The following CDKAL1 variants were observed in gnomAD, a reference collection of about 807,000 sequenced individuals.
The protein encoded by CDKAL1 is threonylcarbamoyladenosine tRNA methylthiotransferase.
A neutral mutation model predicts 68.2 loss-of-function variants in CDKAL1; 32 were observed. The observed-to-expected ratio is 0.47, with a 90% CI of 0.35 to 0.63. The LOEUF (loss-of-function observed/expected upper bound fraction) is 0.63, where lower values mean the gene tolerates loss of function less well. Among genes scored for constraint, CDKAL1 ranks in the 30% least tolerant of loss-of-function variants. The pLI is 0.00. For synonymous variants in CDKAL1, 234 were observed against 244.3 expected, an observed-to-expected ratio of 0.96 and a Z score of 0.39; for missense variants, 606 against 696.7, an observed-to-expected ratio of 0.87 and a Z score of 1.47.
intron 12 of CDKAL1, among the ~76,000 whole-genome samples, chr6:21,068,124 G>A (rs1438709344): frequency 9.2e-5 from 14 of 152,070 alleles, no homozygotes; most frequent in Admixed American, 9.2e-4. Flanking sequence ...CAGCTCCTTG[G>A]CAGGTCATGG....
chr6:20,595,501 T>C (rs1348573651), intron 4 of CDKAL1, among the ~76,000 whole-genome samples: 1 of 152,130 alleles, frequency 6.6e-6, no homozygotes, highest in Non-Finnish European at 1.5e-5. Flanking sequence ...GAAATTCTCA[T>C]GCTGTGTTTT....
chr6:21,136,269 GT>G, intron 13 of CDKAL1, among the ~76,000 whole-genome samples: 1 of 152,204 alleles, frequency 6.6e-6, no homozygotes, highest in East Asian at 1.9e-4. Context: ...TTTATATACA[GT>G]TTTTTAAAAC....
At position 20,769,466 on chromosome 6, in the gene CDKAL1, C is replaced by A. The variant is rs1480116697; in HGVS notation, c.517+10823C>A. Among the ~76,000 whole-genome samples, 3 of 152,050 alleles carry A rather than the reference C, an allele frequency of 2.0e-5. No individual in the cohort carries two copies. In the East Asian group the frequency reaches 5.8e-4, roughly 30 times the overall value. ...TAGAGAAGGAGTTTCACCATGTTGGCTAGGCTGGTCTCGAACTCCTTGCCT... is the reference window on the plus strand; with the variant it reads ...TAGAGAAGGAGTTTCACCATGTTGGATAGGCTGGTCTCGAACTCCTTGCCT... On this transcript the variant is annotated intron_variant, in intron 7 of 15. Transcript: ENST00000274695.
intron 4 of CDKAL1, among the ~76,000 whole-genome samples, chr6:20,598,352 T>G (rs1357071616): frequency 6.6e-6 from 1 of 152,246 alleles, no homozygotes; most frequent in Non-Finnish European, 1.5e-5. Context: ...ACATACCAAT[T>G]TTTGTTTCTA....
chr6:21,182,841 A>G (rs947783935), intron 13 of CDKAL1, among the ~76,000 whole-genome samples: 28 of 152,184 alleles, frequency 1.8e-4, no homozygotes, highest in Admixed American at 1.3e-4. Context: ...TCCCATCCAT[A>G]TGCTCCTAAA....
At chr6:20,642,553 C>T (rs1046304281) in intron 4 of CDKAL1, among the ~76,000 whole-genome samples, 4 of 150,602 alleles carry the variant, frequency 2.7e-5, no homozygotes, top group Non-Finnish European at 4.4e-5. Flanking sequence ...AAGAAAAATG[C>T]ATGTTACACC....
chr6:20,751,998 T>A (rs1773942148), intron 6 of CDKAL1, among the ~76,000 whole-genome samples: 1 of 152,092 alleles, frequency 6.6e-6, no homozygotes, highest in Non-Finnish European at 1.5e-5. Context: ...TTTCTTGCTC[T>A]CGATTGTTTT....
intron 5 of CDKAL1, among the ~76,000 whole-genome samples, chr6:20,676,518 T>G (rs1770107354): frequency 6.6e-6 from 1 of 151,750 alleles, no homozygotes; most frequent in Admixed American, 6.6e-5. Flanking sequence ...ATACAAAAAG[T>G]TAGCCAGGTG....
intron 5 of CDKAL1, among the ~76,000 whole-genome samples, chr6:20,671,387 G>T (rs1187716694): frequency 6.6e-6 from 1 of 151,974 alleles, no homozygotes; most frequent in African/African-American, 2.4e-5. Flanking sequence ...TTTGTCTGTG[G>T]CATATGTCAC....
intron 11 of CDKAL1, among the ~76,000 whole-genome samples, chr6:21,061,272 A>G (rs1771127267): frequency 1.3e-5 from 2 of 152,034 alleles, no homozygotes. Flanking sequence ...TAATAAGCCC[A>G]TTTTGCCAGT....
intron 13 of CDKAL1, among the ~76,000 whole-genome samples, chr6:21,165,861 G>A (rs1185024242): frequency 1.3e-5 from 2 of 152,144 alleles, no homozygotes; most frequent in East Asian, 1.9e-4. Context: ...TCAACTCAGG[G>A]GAAGTTTCCC....
chr6:21,096,146 T>G (rs1773301585), intron 12 of CDKAL1, among the ~76,000 whole-genome samples: 1 of 152,184 alleles, frequency 6.6e-6, no homozygotes, highest in Non-Finnish European at 1.5e-5. Flanking sequence ...GATGCAGCAA[T>G]AACTGGCACA....
chr6:21,082,313 G>A (rs1772449322), intron 12 of CDKAL1, among the ~76,000 whole-genome samples: 1 of 151,718 alleles, frequency 6.6e-6, no homozygotes, highest in African/African-American at 2.4e-5. Context: ...GTTAATATGT[G>A]CCAGAAACAA....
chr6:20,797,890 C>T (rs189593168), intron 8 of CDKAL1, among the ~76,000 whole-genome samples: 8 of 151,364 alleles, frequency 5.3e-5, no homozygotes, highest in Admixed American at 2.0e-4. Context: ...AACCACGGTT[C>T]GCTGCGTTCT....
intron 7 of CDKAL1, among the ~76,000 whole-genome samples, chr6:20,769,297 C>T (rs577327811): frequency 1.4e-5 from 2 of 144,476 alleles, no homozygotes; most frequent in East Asian, 2.1e-4. Flanking sequence ...CTTGCTCCGT[C>T]GCCCAGGCTG....
At chr6:20,570,424 G>A (rs1484855173) in intron 4 of CDKAL1, among the ~76,000 whole-genome samples, 2 of 150,378 alleles carry the variant, frequency 1.3e-5, no homozygotes, top group African/African-American at 2.5e-5. Flanking sequence ...TTTTTGAGAC[G>A]AAGTCTCACT....
intron 13 of CDKAL1, among the ~76,000 whole-genome samples, chr6:21,184,067 G>C (rs549184043): frequency 2.1e-4 from 32 of 151,912 alleles, no homozygotes; most frequent in Non-Finnish European, 4.3e-4. Context: ...GAGAACTTAA[G>C]ACTGACAAAA....
At chr6:20,875,047 C>T (rs1246800865) in intron 9 of CDKAL1, among the ~76,000 whole-genome samples, 1 of 151,754 alleles carries the variant, frequency 6.6e-6, no homozygotes, top group Non-Finnish European at 1.5e-5. Context: ...CGCCTGTAAT[C>T]CCAGCACTTT....
chr6:20,971,377 G>T (rs193101726), intron 10 of CDKAL1, among the ~76,000 whole-genome samples: 1 of 152,198 alleles, frequency 6.6e-6, no homozygotes, highest in Non-Finnish European at 1.5e-5. Flanking sequence ...CACATCAGGT[G>T]ATTGGACATT....
Sources: allele counts gnomAD v4.1 joint callset (sites outside exome capture counted in the v4.1 genomes callset), GRCh38; gene constraint gnomAD v4.1.1; transcripts MANE v1.5; gene names NCBI Gene and HGNC (gene_info 2026-07-23, HGNC 2026-07-21).